Variants in DSC1 observed in about 807,000 individuals in gnomAD.
DSC1 encodes the protein desmocollin 1, also known as desmocollin-1.
Under a neutral mutation model 98.8 loss-of-function variants are expected in DSC1, and 79 were observed. The observed-to-expected ratio is 0.80, with a 90% CI of 0.67 to 0.96. DSC1 has a LOEUF of 0.96. DSC1 is among the 50% of genes least tolerant of loss of function. DSC1 has a pLI of 0.00. For synonymous variants in DSC1, 405 were observed against 372.1 expected, an observed-to-expected ratio of 1.09 and a Z score of -1.02; for missense variants, 1,115 against 1,075.9, an observed-to-expected ratio of 1.04 and a Z score of -0.51.
intron 1 of DSC1, 33 bp downstream of exon 1, chr18:31,162,499 C>A (rs1208450601): frequency 6.2e-7 from 1 of 1,609,640 alleles, no homozygotes; most frequent in East Asian, 2.2e-5. Flanking sequence ...TAGTAACATG[C>A]TTGAATTCCC....
At chr18:31,139,983 A>T (rs1988696389) in intron 10 of DSC1, 59 bp downstream of exon 10, 1 of 1,570,772 alleles carries the variant, frequency 6.4e-7, no homozygotes, top group Non-Finnish European at 8.6e-7. Context: ...AACATTCATA[A>T]CTTTAAAAAC....
chr18:31,132,765 C>T, intron 13 of DSC1, 76 bp from the exon 14 acceptor site: 3 of 1,370,788 alleles, frequency 2.2e-6, no homozygotes, highest in Non-Finnish European at 9.8e-7. Flanking sequence ...AGTCTTCTTG[C>T]ATATGTCTCA....
At chr18:31,136,798 G>A (rs2144920830) in intron 11 of DSC1, among the ~76,000 whole-genome samples, 1 of 152,286 alleles carries the variant, frequency 6.6e-6, no homozygotes, top group East Asian at 1.9e-4. Context: ...CCACAGGTTG[G>A]ACAAGCTTGT....
chr18:31,144,747 G>A (rs1988806443), intron 7 of DSC1, among the ~76,000 whole-genome samples: 1 of 152,012 alleles, frequency 6.6e-6, no homozygotes, highest in Non-Finnish European at 1.5e-5. Context: ...AGAATATATA[G>A]CACCAAGAGT....
intron 1 of DSC1, among the ~76,000 whole-genome samples, chr18:31,161,820 C>T (rs1989214666): frequency 6.6e-6 from 1 of 152,158 alleles, no homozygotes; most frequent in Non-Finnish European, 1.5e-5. Context: ...TGTTTGTCCT[C>T]ATACCTGCCA....
At chr18:31,143,556 CA>C in intron 8 of DSC1, 100 bp downstream of exon 8, 1 of 901,884 alleles carries the variant, frequency 1.1e-6, no homozygotes, top group Non-Finnish European at 1.5e-6. Flanking sequence ...TTATTTAAAT[CA>C]AACTGTCAAA....
In DSC1 at chr18:31,159,047, G is replaced by GTTTTGTTTTTTTTTTTTT. The variant is rs1555646386; in HGVS notation, c.148+397_148+398insAAAAAAAAAAAAACAAAA. On this transcript the variant is annotated intron_variant, in intron 2 of 15. Transcript: ENST00000257198. ...TTTAACTTCAAGTAGCTACTATGTG[G>GTTTTGTTTTTTTTTTTTT]TTTTTTTTTTTTTTTTTGAGACAGA... is the stretch of plus-strand genomic sequence containing the variant. Among the ~76,000 whole-genome samples, 6 of 71,072 alleles carry GTTTTGTTTTTTTTTTTTT rather than the reference G, an allele frequency of 8.4e-5. No homozygotes were observed. In the East Asian group the frequency reaches 2.8e-3, roughly 33 times the overall value. The allele number at this position is 71,072 out of a possible 152,430, so 46.6% of individuals were successfully genotyped here. A position where few individuals can be genotyped will look rare whatever the true frequency, so the allele number is the denominator to read the frequency against.
Position 31,134,173 on chromosome 18 carries a change from G to C in DSC1, c.1877-43C>G, listed in dbSNP as rs746266503. The C allele has an allele frequency of 4.4e-6, 7 of 1,585,246 alleles. No individual in the cohort carries two copies. In the Admixed American group the frequency reaches 1.0e-4, roughly 23 times the overall value. On this transcript the variant is annotated intron_variant, in intron 12 of 15. Transcript: ENST00000257198. ...AGAATATATATGGATTGGCTGTTTA[G>C]ATGGCAGTATTATTCCTACTCAATA...
chr18:31,150,058 C>CCAT (rs1236555229), intron 5 of DSC1, among the ~76,000 whole-genome samples: 5 of 150,210 alleles, frequency 3.3e-5, no homozygotes, highest in African/African-American at 1.2e-4. Flanking sequence ...ACCACCACCA[C>CCAT]CACCATCATC....
chr18:31,141,639 A>G (rs913675054), intron 9 of DSC1, among the ~76,000 whole-genome samples: 2 of 151,702 alleles, frequency 1.3e-5, no homozygotes, highest in Non-Finnish European at 2.9e-5. Flanking sequence ...TGAAAAGTTG[A>G]GGCTTGATTT....
chr18:31,144,895 A>G (rs1435759808), intron 7 of DSC1, among the ~76,000 whole-genome samples: 1 of 148,270 alleles, frequency 6.7e-6, no homozygotes, highest in Non-Finnish European at 1.5e-5. Context: ...GTGTGTTGGG[A>G]GGGATAGGGA....
intron 11 of DSC1, among the ~76,000 whole-genome samples, chr18:31,135,209 A>C (rs186517419): frequency 1.3e-5 from 2 of 152,248 alleles, no homozygotes; most frequent in East Asian, 3.9e-4. Context: ...CTAGAAATGC[A>C]CTAAGTGTTC....
At chr18:31,148,697 A>C (rs2144944169) in intron 5 of DSC1, 55 bp from the exon 6 acceptor site, 1 of 1,472,696 alleles carries the variant, frequency 6.8e-7, no homozygotes, top group East Asian at 2.4e-5. Context: ...TTATGCACAA[A>C]AGTAAGCCTA....
intron 11 of DSC1, among the ~76,000 whole-genome samples, chr18:31,137,351 TAAATGTTTAATCTCAATTTTCTA>T (rs1356611683): frequency 6.6e-6 from 1 of 152,168 alleles, no homozygotes; most frequent in African/African-American, 2.4e-5. Flanking sequence ...AAGCACTTAA[TAAATGTTTAATCTCAATTTTCTA>T]CATTAAAATC....
intron 3 of DSC1, among the ~76,000 whole-genome samples, chr18:31,156,822 G>A (rs144060070): frequency 1.2e-4 from 19 of 152,212 alleles, no homozygotes; most frequent in Middle Eastern, 3.4e-3. Flanking sequence ...GATCTCTACC[G>A]CTCAGTGCAA....
chr18:31,147,271 C>G (rs1045185587), intron 6 of DSC1, among the ~76,000 whole-genome samples: 2 of 151,838 alleles, frequency 1.3e-5, no homozygotes, highest in African/African-American at 2.4e-5. Context: ...TGTATTGAAA[C>G]TTTATAAAGA....
chr18:31,143,122 CACAA>C (rs1298817627), intron 8 of DSC1, among the ~76,000 whole-genome samples: 1 of 151,488 alleles, frequency 6.6e-6, no homozygotes, highest in African/African-American at 2.4e-5. Context: ...TATATGTGTA[CACAA>C]ACACACACAT....
chr18:31,142,752 G>T (rs1400844593), intron 8 of DSC1, among the ~76,000 whole-genome samples: 1 of 152,030 alleles, frequency 6.6e-6, no homozygotes, highest in Non-Finnish European at 1.5e-5. Flanking sequence ...ACTAAAAGAA[G>T]TAGTAAATTG....
intron 1 of DSC1, 74 bp downstream of exon 1, chr18:31,162,458 T>C (rs1989227185): frequency 6.8e-7 from 1 of 1,472,232 alleles, no homozygotes; most frequent in Admixed American, 1.7e-5. Flanking sequence ...TCCTAGTCTC[T>C]TTCAAGCCCA....
Sources: gnomAD v4.1 joint callset for allele counts (sites outside exome capture counted in the v4.1 genomes callset) on GRCh38, gnomAD v4.1.1 for gene constraint, MANE v1.5 for transcripts, NCBI Gene and HGNC (gene_info 2026-07-23, HGNC 2026-07-21) for gene names.